Variants in BRD1 observed in about 807,000 individuals in gnomAD.
BRD1 encodes the protein bromodomain containing 1, also known as bromodomain-containing protein 1.
In BRD1, 24 loss-of-function variants were observed where a neutral mutation model predicts 107.7. The observed-to-expected ratio is 0.22, with a 90% CI of 0.16 to 0.31. The LOEUF (loss-of-function observed/expected upper bound fraction) is 0.31. Among genes scored for constraint, BRD1 ranks in the 10% least tolerant of loss-of-function variants. The pLI is 1.00. For synonymous variants in BRD1, 744 were observed against 686.1 expected (o/e 1.08, Z -1.32); for missense variants, 1,279 against 1,638.6 (o/e 0.78, Z 3.79).
chr22:49,805,685 G>C (rs757949898), intron 2 of BRD1: 5 of 152,310 alleles, frequency 3.3e-5, no homozygotes, highest in Non-Finnish European at 5.9e-5. Flanking sequence ...ACTTGGGACT[G>C]AGGCAAACCA....
intron 2 of BRD1, among the ~76,000 whole-genome samples, chr22:49,811,960 T>G (rs2059858077): frequency 6.6e-6 from 1 of 152,144 alleles, no homozygotes; most frequent in South Asian, 2.1e-4. Context: ...TATACTAAGA[T>G]CTATAGTATT....
At position 49,809,321 on chromosome 22, in the gene BRD1, C is replaced by G. The variant is rs188058247; in HGVS notation, c.1368-4961G>C. Among the ~76,000 whole-genome samples, 53 of 152,094 alleles carry G rather than the reference C, an allele frequency of 3.5e-4. 1 individual carries two copies. The East Asian group carries it at 0.01, about 29-fold the overall frequency. ...CTTTGGGAGGCCGAAGCAGGTGGAT[C>G]ATGAGGTCAGGAGTTCAAGACCAGC... On this transcript the variant is annotated intron_variant, in intron 2 of 12. Transcript: ENST00000404760.
In BRD1 at chr22:49,774,213, C is replaced by A. The variant is rs746024058; in HGVS notation, c.*20G>T. 1 of 1,608,378 alleles carries A rather than the reference C, an allele frequency of 6.2e-7. No homozygotes were observed. The highest frequency in any genetic ancestry group is 1.7e-5 in the Admixed American group (1 of 59,564). ...AGCTTATCAACACTATGGACAAGAC[C>A]CGCGCTGGCGGCCGGGCCGTCAGTC... On this transcript the variant is annotated 3_prime_UTR_variant, in exon 13 of 13. Transcript: ENST00000404760.
chr22:49,790,169 G>T (rs1242424874), intron 7 of BRD1, among the ~76,000 whole-genome samples: 1 of 152,216 alleles, frequency 6.6e-6, no homozygotes, highest in South Asian at 2.1e-4. Flanking sequence ...GGACCACACA[G>T]GCCCCTCCCC....
In BRD1 at chr22:49,824,365, G is replaced by A. The variant is rs202105006; in HGVS notation, c.-14-34C>T. On this transcript the variant is annotated intron_variant, in intron 1 of 12. Coordinates refer to ENST00000404760, the MANE Select transcript of BRD1 (RefSeq NM_001304808.3). This position sits in a 1 kb window ranked among gnomAD's most constrained non-coding sequence, Gnocchi z 5.9. ...AAGGCAAAAGTAAAGGTAATTCTAC[G>A]CAGGGTGACCAAAGACTCGAGAAAA... 4.1e-5 allele frequency: 65 copies of A among 1,599,430 alleles called. No individual in the cohort carries two copies. The highest frequency in any genetic ancestry group is 1.3e-4 in the East Asian group (6 of 44,692).
intron 8 of BRD1, among the ~76,000 whole-genome samples, chr22:49,781,110 C>T (rs533500288): frequency 1.3e-5 from 2 of 152,298 alleles, no homozygotes; most frequent in African/African-American, 4.8e-5. Context: ...AGGAGCTGCA[C>T]GGAATTCCCA....
chr22:49,796,286 G>C (rs2059529992), intron 6 of BRD1, among the ~76,000 whole-genome samples: 1 of 151,348 alleles, frequency 6.6e-6, no homozygotes, highest in African/African-American at 2.4e-5. Context: ...AGTACAGACA[G>C]GGTTTCACCA....
intron 2 of BRD1, among the ~76,000 whole-genome samples, chr22:49,812,951 G>A (rs1367766539): frequency 6.6e-6 from 1 of 152,226 alleles, no homozygotes; most frequent in Non-Finnish European, 1.5e-5. Context: ...CGCAGACTGA[G>A]GCTCAGCACA....
At chr22:49,797,345 T>C (rs536686487) in intron 6 of BRD1, among the ~76,000 whole-genome samples, 1 of 152,220 alleles carries the variant, frequency 6.6e-6, no homozygotes, top group East Asian at 1.9e-4. Flanking sequence ...CACGCCACCC[T>C]CAGAAGTTAG....
intron 8 of BRD1, among the ~76,000 whole-genome samples, chr22:49,782,473 A>G (rs1601616137): frequency 2.4e-5 from 3 of 126,384 alleles, no homozygotes; most frequent in East Asian, 2.7e-4. Flanking sequence ...CGCTGGGGAC[A>G]GTCAGAGACA....
intron 8 of BRD1, among the ~76,000 whole-genome samples, chr22:49,780,777 A>C (rs2059191726): frequency 6.6e-6 from 1 of 152,226 alleles, no homozygotes; most frequent in South Asian, 2.1e-4. Flanking sequence ...GGAGATGTCC[A>C]CCATGACCCG....
chr22:49,809,357 T>C (rs532243154), intron 2 of BRD1, among the ~76,000 whole-genome samples: 22 of 152,160 alleles, frequency 1.4e-4, no homozygotes, highest in Admixed American at 1.2e-3. Context: ...CTAGCCAAGA[T>C]GGTGAAACCT....
rs1569111265 is a variant in BRD1 at position 49,798,059 on chromosome 22, C to T, written c.1844G>A (p.Arg615Gln). ...GTTTTTATACCCTTGAGCTTCTAAC[C>T]GTTTCCTCATTGTGGCAAAGTCCAT... The part of the protein sequence containing the change: ...HPMDFATMRK[R>Q]LEAQGYKNLH... Residue 615 changes from arginine (R) to glutamine (Q), a missense_variant, in exon 6 of 13, where the codon CGG becomes CAG. This residue lies in a region of BRD1 where 406 missense variants were observed against 519.4 expected (regional missense o/e 0.78). Transcript: ENST00000404760. 1.2e-6 allele frequency: 2 copies of T among 1,614,044 alleles called. No homozygotes were observed. Among genetic ancestry groups the T allele is most frequent in the African/African-American group, 2.7e-5 (2 of 75,042 alleles).
intron 8 of BRD1, among the ~76,000 whole-genome samples, chr22:49,784,288 C>T (rs947809648): frequency 1.3e-5 from 2 of 151,440 alleles, no homozygotes; most frequent in African/African-American, 4.9e-5. Flanking sequence ...CAGGGGTCTC[C>T]GCAACGGCGG....
At position 49,787,730 on chromosome 22, in the gene BRD1, G is replaced by A. The variant is rs745469772; in HGVS notation, c.2517C>T (p.Ser839=). 3.0e-5 allele frequency: 46 copies of A among 1,550,684 alleles called. No homozygotes were observed. The highest frequency in any genetic ancestry group is 1.7e-4 in the Middle Eastern group (1 of 6,014). The stretch of plus-strand genomic sequence containing the variant: ...TTACCAGTGCGCTCTGAGTGCAAGC[G>A]CTATGTGATTCATTATCAAATGTGA... The part of the protein sequence containing the change: ...KRVTFDNESH[S]ACTQSALVSG... Residue 839 remains serine, a synonymous_variant, in exon 8 of 13, where the codon AGC becomes AGT. Coordinates refer to ENST00000404760, the MANE Select transcript of BRD1 (RefSeq NM_001304808.3).
chr22:49,806,578 G>A (rs370634401), intron 2 of BRD1: 4 of 152,206 alleles, frequency 2.6e-5, no homozygotes, highest in African/African-American at 9.7e-5. Flanking sequence ...ACATACATAT[G>A]ACAACCACAG....
intron 2 of BRD1, among the ~76,000 whole-genome samples, chr22:49,805,168 T>C (rs2059716737): frequency 6.6e-6 from 1 of 152,212 alleles, no homozygotes; most frequent in African/African-American, 2.4e-5. Context: ...ACATCAGTCA[T>C]CTTCAAGTCT....
chr22:49,783,380 C>T lies in BRD1; in HGVS notation c.2857+4010G>A, dbSNP rs9627765. Among the ~76,000 whole-genome samples, 2,134 of 152,318 alleles carry T rather than the reference C, an allele frequency of 0.014. 48 individuals carry two copies. Among genetic ancestry groups the T allele is most frequent in the African/African-American group, 0.049 (2,053 of 41,562 alleles). ...GGGGAGAAGGAAATCAGGTAGAAAACCCAGAAATACAGAAGATGCTAGCGA... is the reference window on the plus strand; with the variant it reads ...GGGGAGAAGGAAATCAGGTAGAAAATCCAGAAATACAGAAGATGCTAGCGA... On this transcript the variant is annotated intron_variant, in intron 8 of 12. Coordinates refer to ENST00000404760, the MANE Select transcript of BRD1 (RefSeq NM_001304808.3). The surrounding 1 kb of genome is among the most constrained non-coding windows in gnomAD (Gnocchi z 4.2).
chr22:49,827,240 G>A (rs1054864029), intron 1 of BRD1, among the ~76,000 whole-genome samples: 1 of 150,040 alleles, frequency 6.7e-6, no homozygotes, highest in African/African-American at 2.4e-5. Flanking sequence ...TGACCTACCC[G>A]GTCTCCCCGC....
Sources: gnomAD v4.1 joint callset for allele counts (sites outside exome capture counted in the v4.1 genomes callset) on GRCh38, gnomAD v4.1.1 for gene constraint, gnomAD v4.1.1 regional missense constraint, Gnocchi (gnomAD v3.1) non-coding constraint, MANE v1.5 for transcripts, NCBI Gene and HGNC (gene_info 2026-07-23, HGNC 2026-07-21) for gene names.